The following NXNL1 variants were observed in gnomAD, a reference collection of about 807,000 sequenced individuals.
NXNL1 encodes nucleoredoxin-like protein 1.
Under a neutral mutation model 7.2 loss-of-function variants are expected in NXNL1, and 6 were observed. The observed-to-expected ratio is 0.83, with a 90% confidence interval of 0.46 to 1.64. The LOEUF (loss-of-function observed/expected upper bound fraction) is 1.64, where lower values mean the gene tolerates loss of function less well. Among genes scored for constraint, NXNL1 ranks in the 40% most tolerant of loss-of-function variants. The pLI is 0.01. For missense variants in NXNL1, 308 were observed against 285.1 expected (o/e 1.08, Z -0.58); for synonymous variants, 133 against 127.2 (o/e 1.05, Z -0.31).
intron 1 of NXNL1, among the ~76,000 whole-genome samples, chr19:17,458,532 G>C (rs2075001480): frequency 6.7e-6 from 1 of 149,686 alleles, no homozygotes; most frequent in Non-Finnish European, 1.5e-5. Flanking sequence ...ATAATAAAAA[G>C]TCAAGCTATA....
rs1568401791 is a variant in NXNL1 at position 17,455,652 on chromosome 19, ACAGCCCCCC to A, written c.625_633del (p.Gly209_Leu211del). 2 of 1,339,414 alleles carry A rather than the reference ACAGCCCCCC, an allele frequency of 1.5e-6. No homozygotes were observed. Among genetic ancestry groups the A allele is most frequent in the Admixed American group, 2.0e-5 (1 of 49,786 alleles). 83.0% of individuals were successfully genotyped at this position (1,339,414 alleles called of 1,614,324 possible). A position where few individuals can be genotyped will look rare whatever the true frequency, so the allele number is the denominator to read the frequency against. On this transcript the variant is annotated inframe_deletion, in exon 2 of 2. Coordinates refer to ENST00000301944, the MANE Select transcript of NXNL1 (RefSeq NM_138454.2). ...CTCTCCTCCACCCTAGCGGGTCAGA[ACAGCCCCCC>A]GGCCCCGCCCTCCTCCCCACCCCCT...
chr19:17,458,220 C>CTTTTTTTTT (rs756873224), intron 1 of NXNL1, among the ~76,000 whole-genome samples: 149 of 122,160 alleles, frequency 1.2e-3, no homozygotes, highest in Non-Finnish European at 1.4e-3. Flanking sequence ...TTCTTTCTTT[C>CTTTTTTTTT]TTTTTTTTTT....
intron 1 of NXNL1, among the ~76,000 whole-genome samples, chr19:17,459,541 G>T (rs911696162): frequency 6.6e-6 from 1 of 151,094 alleles, no homozygotes; most frequent in Non-Finnish European, 1.5e-5. Context: ...CCTCAGCCTC[G>T]CAAGTAGCTG....
At position 17,455,700 on chromosome 19, in the gene NXNL1, G is replaced by A. The variant is rs1351382089; in HGVS notation, c.586C>T (p.Arg196Cys). The change falls in exon 2 of 2, where the codon CGC (arginine) becomes TGC (cysteine). Residue 196 changes from arginine to cysteine, a missense_variant. By Grantham distance (180) the Arg-to-Cys change is radical. Transcript: ENST00000301944. ...YRVEKAARGGRDPGGGGGEEG... is the reference protein window; with the variant it reads ...YRVEKAARGGCDPGGGGGEEG... ...TCCCCACCCCCTCCCCCGGGGTCGC[G>A]CCCGCCTCGCGCCGCCTTTTCCACG... 83 of 1,109,888 alleles carry A rather than the reference G, an allele frequency of 7.5e-5. No individual in the cohort carries two copies. Among genetic ancestry groups the A allele is most frequent in the Non-Finnish European group, 8.9e-5 (78 of 871,724 alleles). The allele number at this position is 1,109,888 out of a possible 1,614,324, so 68.8% of individuals were successfully genotyped here.
intron 1 of NXNL1, among the ~76,000 whole-genome samples, chr19:17,457,530 C>T (rs1180176296): frequency 6.6e-6 from 1 of 151,886 alleles, no homozygotes; most frequent in Non-Finnish European, 1.5e-5. Context: ...TACCACCACA[C>T]CTAATTTTTT....
At position 17,460,714 on chromosome 19, in the gene NXNL1, G is replaced by A; in HGVS notation, c.156C>T (p.Pro52=). 3 of 1,613,822 alleles carry A rather than the reference G, an allele frequency of 1.9e-6. No homozygotes were observed. The highest frequency in any genetic ancestry group is 2.5e-6 in the Non-Finnish European group (3 of 1,180,036). The stretch of plus-strand genomic sequence containing the variant: ...GCCGCACGAAGAAGTCCTTGAGGAT[G>A]GGCACGAAGGCCTGGCACTGTGGAC... ...GACPQCQAFV[P]ILKDFFVRLT... The change falls in exon 1 of 2, where the codon CCC becomes CCT. Residue 52 remains proline (P), a synonymous_variant. Transcript: ENST00000301944.
rs1405743332 is a variant in NXNL1, at chr19:17,460,772, C to T, written c.98G>A (p.Arg33Gln). ...EAEVSRRLENRLVLLFFGAGA... is the reference protein window; with the variant it reads ...EAEVSRRLENQLVLLFFGAGA... ...AGCACCAAAGAACAGCAGCACCAGC[C>T]GGTTCTCCAGCCTGCGACTGACCTC... Residue 33 changes from arginine (R) to glutamine (Q), a missense_variant, in exon 1 of 2, where the codon CGG becomes CAG. Physicochemically the swap from Arg to Gln is conservative, Grantham distance 43 (BLOSUM62 1). Coordinates refer to ENST00000301944, the MANE Select transcript of NXNL1 (RefSeq NM_138454.2). 14 of 1,613,830 alleles carry T rather than the reference C, an allele frequency of 8.7e-6. No homozygotes were observed. Among genetic ancestry groups the T allele is most frequent in the Middle Eastern group, 1.7e-4 (1 of 6,060 alleles).
chr19:17,456,905 C>T (rs2074995342), intron 1 of NXNL1, among the ~76,000 whole-genome samples: 2 of 151,528 alleles, frequency 1.3e-5, no homozygotes, highest in Non-Finnish European at 2.9e-5. Context: ...AAAAATTAGC[C>T]GGGTGTGGTG....
chr19:17,455,596 G>T lies in NXNL1; in HGVS notation c.*51C>A. On this transcript the variant is annotated 3_prime_UTR_variant, in exon 2 of 2. Coordinates refer to ENST00000301944, the MANE Select transcript of NXNL1 (RefSeq NM_138454.2). ...GATTACAGGCGTGCGGGGGTGGGGT[G>T]GGGGTGGAGGTTCATCAACAAACCC... is the stretch of plus-strand genomic sequence containing the variant. 1.8e-6 allele frequency: 2 copies of T among 1,111,412 alleles called. No homozygotes were observed. Among genetic ancestry groups the T allele is most frequent in the South Asian group, 1.5e-5 (1 of 67,810 alleles). The allele number at this position is 1,111,412 out of a possible 1,614,324, so 68.8% of individuals were successfully genotyped here. A position where few individuals can be genotyped will look rare whatever the true frequency, so the allele number is the denominator to read the frequency against.
Position 17,455,892 on chromosome 19 carries a change from C to T in NXNL1, c.394G>A (p.Val132Met). Reference sequence around the variant, plus strand: ...TCGTCGGCGCCGTCGCGAGTGAGCACGTCCCCGTCCGGCTTGAGCACCACG... The same window carrying T: ...TCGTCGGCGCCGTCGCGAGTGAGCATGTCCCCGTCCGGCTTGAGCACCACG... The part of the protein sequence containing the change: ...AVVVLKPDGD[V>M]LTRDGADEIQ... Residue 132 changes from valine (V) to methionine (M), a missense_variant, in exon 2 of 2, where the codon GTG becomes ATG. Coordinates refer to ENST00000301944, the MANE Select transcript of NXNL1 (RefSeq NM_138454.2). 6.3e-7 allele frequency: 1 copy of T among 1,593,392 alleles called. No homozygotes were observed. Among genetic ancestry groups the T allele is most frequent in the Non-Finnish European group, 8.5e-7 (1 of 1,177,078 alleles).
At position 17,460,877 on chromosome 19, in the gene NXNL1, T is replaced by A. The variant is rs769023803; in HGVS notation, c.-8A>T. On this transcript the variant is annotated 5_prime_UTR_variant, in exon 1 of 2. Transcript: ENST00000301944. The stretch of plus-strand genomic sequence containing the variant: ...AGAGAACAGGGAGGCCATGGTAACC[T>A]GGGTTGGGTGCTGGGGACAGCGCGG... 1 of 1,612,178 alleles carries A rather than the reference T, an allele frequency of 6.2e-7. No individual in the cohort carries two copies.
rs1478217184 is a variant in NXNL1, at chr19:17,455,953, G to C, written c.333C>G (p.Leu111=). The C allele has an allele frequency of 6.3e-7, 1 of 1,597,502 alleles. No homozygotes were observed. The highest frequency in any genetic ancestry group is 8.5e-7 in the Non-Finnish European group (1 of 1,179,484). ...GGCGCTCCACTGAGAACTGGCGCCC[G>C]AGGTCCCTGCGGAGCGGGCAGGTCA... ...LPFEDDLRRD[L]GRQFSVERLP... Residue 111 remains leucine, a synonymous_variant, in exon 2 of 2, where the codon CTC becomes CTG. Coordinates refer to ENST00000301944, the MANE Select transcript of NXNL1 (RefSeq NM_138454.2).
At chr19:17,457,427 A>G (rs757923265) in intron 1 of NXNL1, among the ~76,000 whole-genome samples, 45 of 151,910 alleles carry the variant, frequency 3.0e-4, no homozygotes, top group Non-Finnish European at 4.7e-4. Flanking sequence ...GCTAGAGTGC[A>G]GTGGCGGGAA....
At position 17,460,898 on chromosome 19, in the gene NXNL1, C is replaced by T. The variant is rs770937803; in HGVS notation, c.-29G>A. ...AACCTGGGTTGGGTGCTGGGGACAGCGCGGCGTGTGGTCCCCGGTCTGCTG... is the reference window on the plus strand; with the variant it reads ...AACCTGGGTTGGGTGCTGGGGACAGTGCGGCGTGTGGTCCCCGGTCTGCTG... On this transcript the variant is annotated 5_prime_UTR_variant, in exon 1 of 2. Transcript: ENST00000301944. 45 of 1,606,612 alleles carry T rather than the reference C, an allele frequency of 2.8e-5. No homozygotes were observed. The highest frequency in any genetic ancestry group is 1.1e-4 in the East Asian group (5 of 44,876).
chr19:17,458,854 G>A (rs1359269870), intron 1 of NXNL1, among the ~76,000 whole-genome samples: 1 of 151,880 alleles, frequency 6.6e-6, no homozygotes, highest in Admixed American at 6.6e-5. Context: ...CACCCACCTC[G>A]GCCTCCCAAA....
intron 1 of NXNL1, among the ~76,000 whole-genome samples, chr19:17,459,106 T>C (rs1351894441): frequency 1.3e-5 from 2 of 152,098 alleles, no homozygotes; most frequent in Non-Finnish European, 2.9e-5. Context: ...CTCCCTCTGT[T>C]CTAATGTCCA....
In NXNL1 at chr19:17,455,661, CG is replaced by C; in HGVS notation, c.624del (p.Leu211CysfsTer53). On this transcript the variant is annotated frameshift_variant, in exon 2 of 2. Transcript: ENST00000301944. LOFTEE classifies it high-confidence loss of function. ...ACCCTAGCGGGTCAGAACAGCCCCC[CG>C]GCCCCGCCCTCCTCCCCACCCCCTC... ...PGGGGGEEGG[A>X]GGLF 2.4e-6 allele frequency: 2 copies of C among 839,978 alleles called. No homozygotes were observed. The highest frequency in any genetic ancestry group is 1.5e-5 in the South Asian group (1 of 68,910). 52.0% of individuals were successfully genotyped at this position (839,978 alleles called of 1,614,324 possible). A position where few individuals can be genotyped will look rare whatever the true frequency, so the allele number is the denominator to read the frequency against.
intron 1 of NXNL1, among the ~76,000 whole-genome samples, chr19:17,458,206 CT>C (rs1446244926): frequency 7.0e-6 from 1 of 142,448 alleles, no homozygotes; most frequent in Non-Finnish European, 1.5e-5. Flanking sequence ...TTCTTTCTTT[CT>C]TTTTCTTTCT....
At chr19:17,460,473 A>G (rs2075008343) in intron 1 of NXNL1, 71 bp downstream of exon 1, 2 of 1,505,748 alleles carry the variant, frequency 1.3e-6, no homozygotes, top group Admixed American at 1.8e-5. Context: ...CATTCACTCT[A>G]GTTAGAATGG....
Sources: allele counts gnomAD v4.1 joint callset (sites outside exome capture counted in the v4.1 genomes callset), GRCh38; gene constraint gnomAD v4.1.1; transcripts MANE v1.5; gene names NCBI Gene and HGNC (gene_info 2026-07-23, HGNC 2026-07-21).